The following SMAD1 variants were observed in gnomAD, a reference collection of about 807,000 sequenced individuals.
SMAD1 encodes the protein SMAD family member 1.
SMAD1 carries 6 observed loss-of-function variants against 41.6 expected under a neutral mutation model. The observed-to-expected ratio is 0.14, with a 90% CI of 0.08 to 0.28. The LOEUF (loss-of-function observed/expected upper bound fraction) is 0.28, where lower values mean the gene tolerates loss of function less well. Ranked by LOEUF, SMAD1 falls within the 10% of genes least tolerant of loss-of-function variation. The pLI, the probability that SMAD1 is intolerant of heterozygous loss-of-function variation, is 1.00. For missense variants in SMAD1, 379 were observed against 582.6 expected (o/e 0.65, Z 3.60); for synonymous variants, 206 against 203.2 (o/e 1.01, Z -0.12).
At chr4:145,515,987 T>G (rs1471959561) in intron 2 of SMAD1, among the ~76,000 whole-genome samples, 4 of 152,212 alleles carry the variant, frequency 2.6e-5, no homozygotes, top group Non-Finnish European at 5.9e-5. Flanking sequence ...GGTTTTCAAA[T>G]AAAAGGCATT....
chr4:145,529,038 A>G (rs2126475658), intron 2 of SMAD1, among the ~76,000 whole-genome samples: 1 of 152,348 alleles, frequency 6.6e-6, no homozygotes, highest in African/African-American at 2.4e-5. Flanking sequence ...CACATGTATA[A>G]GCACCATATT....
chr4:145,544,347 G>C (rs371044022), intron 4 of SMAD1: 1 of 152,256 alleles, frequency 6.6e-6, no homozygotes. Context: ...TTGGGAGGCC[G>C]AGGCAGGTGG....
intron 1 of SMAD1, among the ~76,000 whole-genome samples, chr4:145,512,709 G>A (rs1046762218): frequency 6.6e-6 from 1 of 152,102 alleles, no homozygotes; most frequent in African/African-American, 2.4e-5. Flanking sequence ...TCACCCGTTA[G>A]GTCTGTTTCT....
At chr4:145,481,652 C>G (rs1475266528), upstream of SMAD1, 4 of 153,646 alleles carry the variant, frequency 2.6e-5, no homozygotes, top group Admixed American at 2.0e-4. Context: ...TCCCCCGCGC[C>G]GTCCTCCGGC....
chr4:145,523,637 TA>T (rs1730875928), intron 2 of SMAD1, among the ~76,000 whole-genome samples: 1 of 152,142 alleles, frequency 6.6e-6, no homozygotes, highest in African/African-American at 2.4e-5. Context: ...ATGTTTCTCG[TA>T]ATAGTTTTGG....
At chr4:145,489,247 G>A (rs560636886) in intron 1 of SMAD1, among the ~76,000 whole-genome samples, 1 of 152,318 alleles carries the variant, frequency 6.6e-6, no homozygotes, top group East Asian at 1.9e-4. Context: ...TAGTATGGTG[G>A]TGTGGAGGAG....
chr4:145,543,605 G>A (rs1006216922), intron 4 of SMAD1, among the ~76,000 whole-genome samples: 2 of 152,160 alleles, frequency 1.3e-5, no homozygotes, highest in Non-Finnish European at 2.9e-5. Context: ...TAAAGGGTGG[G>A]TCTTTGATTC....
intron 6 of SMAD1, among the ~76,000 whole-genome samples, chr4:145,555,794 C>T (rs2126562355): frequency 6.6e-6 from 1 of 152,160 alleles, no homozygotes; most frequent in African/African-American, 2.4e-5. Context: ...GATGAAAAAG[C>T]ACCTAAAGTC....
In SMAD1 at chr4:145,548,135, G is replaced by A. The variant is rs1578825861; in HGVS notation, c.997+1211G>A. Among the ~76,000 whole-genome samples, 3 of 152,214 alleles carry A rather than the reference G, an allele frequency of 2.0e-5. No individual in the cohort carries two copies. In the South Asian group the frequency reaches 6.2e-4, roughly 32 times the overall value. ...CATGCCTCAGGAGCCAACTTAGAGG[G>A]CCTTCCACTGGCCAACTCTCAGACA... On this transcript the variant is annotated intron_variant, in intron 5 of 6. Transcript: ENST00000302085.
chr4:145,536,354 G>A (rs1731613423), intron 2 of SMAD1, among the ~76,000 whole-genome samples: 1 of 152,128 alleles, frequency 6.6e-6, no homozygotes, highest in Non-Finnish European at 1.5e-5. Context: ...TTGCTGGAGT[G>A]GTGGAAAGGG....
At chr4:145,484,944 A>G (rs1728402667) in intron 1 of SMAD1, among the ~76,000 whole-genome samples, 1 of 152,248 alleles carries the variant, frequency 6.6e-6, no homozygotes, top group Non-Finnish European at 1.5e-5. Flanking sequence ...TGAATTGAAC[A>G]TATAAACAGT....
chr4:145,512,746 C>A (rs1025134309), intron 1 of SMAD1, among the ~76,000 whole-genome samples: 2 of 152,116 alleles, frequency 1.3e-5, no homozygotes, highest in Non-Finnish European at 2.9e-5. Flanking sequence ...ATCATTTGGT[C>A]CTGTTTCTTG....
chr4:145,530,431 G>A (rs552998578), intron 2 of SMAD1, among the ~76,000 whole-genome samples: 5 of 152,262 alleles, frequency 3.3e-5, no homozygotes, highest in South Asian at 2.1e-4. Flanking sequence ...TTCTGTGGGT[G>A]CCCAGAGAAG....
intron 3 of SMAD1, among the ~76,000 whole-genome samples, chr4:145,541,535 G>A (rs1731933228): frequency 6.6e-6 from 1 of 152,112 alleles, no homozygotes; most frequent in Admixed American, 6.5e-5. Flanking sequence ...GCTGAAAAGG[G>A]GCAAAAGAGG....
In SMAD1 at chr4:145,482,693, C is replaced by G. The variant is rs2126921515; in HGVS notation, c.-177+655C>G. 1 of 152,340 alleles carries G rather than the reference C, an allele frequency of 6.6e-6. No homozygotes were observed. The highest frequency in any genetic ancestry group is 1.9e-4 in the East Asian group (1 of 5,176). 9.4% of individuals were successfully genotyped at this position (152,340 alleles called of 1,614,324 possible). A position where few individuals can be genotyped will look rare whatever the true frequency, so the allele number is the denominator to read the frequency against. On this transcript the variant is annotated intron_variant, in intron 1 of 6. Transcript: ENST00000302085. This position sits in a 1 kb window ranked among gnomAD's most constrained non-coding sequence, Gnocchi z 4.2. The stretch of plus-strand genomic sequence containing the variant: ...AGGAAAGTTCGCACCGAGATCCCCT[C>G]TAATTTATTCAAAGGTTTGGCGGCG...
In SMAD1 at chr4:145,497,242, A is replaced by T. The variant is rs555789666; in HGVS notation, c.-177+15204A>T. On this transcript the variant is annotated intron_variant, in intron 1 of 6. Transcript: ENST00000302085. ...TCATACCCACTGAAACAGCTGGTTG[A>T]TATTTGGACTATTTGGATTTCCACT... is the stretch of plus-strand genomic sequence containing the variant. 2.2e-4 allele frequency: 34 copies of T among 152,308 alleles called. 2 individuals carry two copies. The highest frequency in any genetic ancestry group is 7.9e-4 in the African/African-American group (33 of 41,566). 9.4% of individuals were successfully genotyped at this position (152,308 alleles called of 1,614,324 possible).
intron 2 of SMAD1, among the ~76,000 whole-genome samples, chr4:145,517,422 C>T (rs1017906243): frequency 1.3e-5 from 2 of 152,044 alleles, no homozygotes; most frequent in African/African-American, 2.4e-5. Context: ...ACATATCTCC[C>T]TACTCTGCTT....
At chr4:145,550,167 G>T (rs557130168) in intron 5 of SMAD1, among the ~76,000 whole-genome samples, 1 of 152,200 alleles carries the variant, frequency 6.6e-6, no homozygotes, top group East Asian at 1.9e-4. Context: ...TGATATGTTT[G>T]ATTGACAGTA....
rs1730264147 is a variant in SMAD1 at position 145,514,484 on chromosome 4, C to T, written c.-130C>T. 3.6e-6 allele frequency: 3 copies of T among 839,192 alleles called. No individual in the cohort carries two copies. The highest frequency in any genetic ancestry group is 5.4e-6 in the Non-Finnish European group (3 of 560,226). 52.0% of individuals were successfully genotyped at this position (839,192 alleles called of 1,614,324 possible). A position where few individuals can be genotyped will look rare whatever the true frequency, so the allele number is the denominator to read the frequency against. On this transcript the variant is annotated 5_prime_UTR_variant, in exon 2 of 7. Coordinates refer to ENST00000302085, the MANE Select transcript of SMAD1 (RefSeq NM_005900.3). The surrounding 1 kb of genome is among the most constrained non-coding windows in gnomAD (Gnocchi z 4.7). ...TAAACACTAGGAATGGTAATTTCTA[C>T]TCTTCTGGACTTCAAACTAAGAAGT...
Sources: allele counts gnomAD v4.1 joint callset (sites outside exome capture counted in the v4.1 genomes callset), GRCh38; gene constraint gnomAD v4.1.1; non-coding constraint Gnocchi (gnomAD v3.1); transcripts MANE v1.5; gene names NCBI Gene and HGNC (gene_info 2026-07-23, HGNC 2026-07-21).